AREL1: variants seen among roughly 807,000 people sequenced by gnomAD.
AREL1 encodes apoptosis-resistant E3 ubiquitin protein ligase 1.
Under a neutral mutation model 99.0 loss-of-function variants are expected in AREL1, and 62 were observed. That is an observed-to-expected ratio of 0.63 (90% confidence interval 0.51 to 0.77). The LOEUF is 0.77. AREL1 is among the 30% of genes least tolerant of loss of function. The probability of loss-of-function intolerance (pLI) is 0.00; values close to 1 mark genes in which losing one functional copy is unlikely to be tolerated. For missense variants in AREL1, 879 were observed against 1,027.6 expected (o/e 0.86, Z 1.98); for synonymous variants, 380 against 376.5 (o/e 1.01, Z -0.11).
In AREL1 at chr14:74,692,131, A is replaced by C. The variant is rs2089895121; in HGVS notation, c.-136T>G. ...TTTGGCCCCTTTCACCTTGTCTTCC[A>C]ACTTCCACATGAAAGAAAAACGCCA... On this transcript the variant is annotated 5_prime_UTR_variant, in exon 2 of 20. Coordinates refer to ENST00000356357, the MANE Select transcript of AREL1 (RefSeq NM_001039479.2). 6.8e-6 allele frequency: 3 copies of C among 444,110 alleles called. No individual in the cohort carries two copies. Among genetic ancestry groups the C allele is most frequent in the Non-Finnish European group, 1.3e-5 (3 of 224,122 alleles). The allele number at this position is 444,110 out of a possible 1,614,324, so 27.5% of individuals were successfully genotyped here.
chr14:74,710,012 C>T (rs1351416685), intron 1 of AREL1, among the ~76,000 whole-genome samples: 1 of 152,140 alleles, frequency 6.6e-6, no homozygotes, highest in Admixed American at 6.5e-5. Context: ...GCAAAACAAC[C>T]CTCTTGACTG....
chr14:74,706,544 C>G (rs865991747), intron 1 of AREL1, among the ~76,000 whole-genome samples: 8 of 152,286 alleles, frequency 5.3e-5, no homozygotes, highest in Middle Eastern at 3.4e-3. Context: ...CCTAAGATAG[C>G]TGGATTTGAA....
intron 1 of AREL1, among the ~76,000 whole-genome samples, chr14:74,694,990 GAA>G (rs548884827): frequency 4.1e-3 from 341 of 82,826 alleles, no homozygotes; most frequent in African/African-American, 0.014. Flanking sequence ...CTCTGTCTCG[GAA>G]AAAAAAAAAA....
chr14:74,675,952 G>C lies in AREL1; in HGVS notation c.833-6C>G. On this transcript the variant is annotated splice_polypyrimidine_tract_variant and splice_region_variant and intron_variant, in intron 7 of 19. Coordinates refer to ENST00000356357, the MANE Select transcript of AREL1 (RefSeq NM_001039479.2). ...GACGATATTCTTCTCATCCTCTGAA[G>C]TATAATAAGGAATAAGGTTTAAAGT... is the stretch of plus-strand genomic sequence containing the variant. 6.4e-7 allele frequency: 1 copy of C among 1,574,238 alleles called. No individual in the cohort carries two copies. The highest frequency in any genetic ancestry group is 8.6e-7 in the Non-Finnish European group (1 of 1,160,334).
intron 11 of AREL1, chr14:74,672,006 C>A: frequency 2.2e-6 from 1 of 455,554 alleles, no homozygotes; most frequent in South Asian, 1.6e-5. Context: ...GGACAGGAAC[C>A]AAGCCTTCTC....
At chr14:74,706,245 G>A (rs958167401) in intron 1 of AREL1, among the ~76,000 whole-genome samples, 1 of 152,056 alleles carries the variant, frequency 6.6e-6, no homozygotes, top group African/African-American at 2.4e-5. Flanking sequence ...CTTTGAACCT[G>A]ACAAGCCGTC....
At chr14:74,703,899 C>T (rs2090130607) in intron 1 of AREL1, among the ~76,000 whole-genome samples, 1 of 152,156 alleles carries the variant, frequency 6.6e-6, no homozygotes. Context: ...ACTTAACTTA[C>T]AAGAAACTGC....
At chr14:74,673,943 C>T in intron 9 of AREL1, 91 bp downstream of exon 9, 1 of 1,123,888 alleles carries the variant, frequency 8.9e-7, no homozygotes, top group Non-Finnish European at 1.3e-6. Flanking sequence ...CTTGCAGAAA[C>T]ACTAAAAGTG....
intron 1 of AREL1, among the ~76,000 whole-genome samples, chr14:74,706,993 C>T (rs2090190072): frequency 6.6e-6 from 1 of 152,200 alleles, no homozygotes; most frequent in Non-Finnish European, 1.5e-5. Flanking sequence ...CTCTCTTCAA[C>T]ACTCGTCAGA....
Position 74,675,943 on chromosome 14 carries a change from T to A in AREL1, c.836A>T (p.Asp279Val), listed in dbSNP as rs1216055845. ...ATTGCGTTCGACGATATTCTTCTCA[T>A]CCTCTGAAGTATAATAAGGAATAAG... ...GEFDIIVLSE[D>V]EKNIVERNVS... is the part of the protein sequence containing the mutation. The change falls in exon 8 of 20, where the codon GAT (aspartate) becomes GTT (valine). Residue 279 changes from aspartate (D) to valine (V), a missense_variant. Coordinates refer to ENST00000356357, the MANE Select transcript of AREL1 (RefSeq NM_001039479.2). The A allele has an allele frequency of 1.9e-6, 3 of 1,585,722 alleles. No homozygotes were observed. The highest frequency in any genetic ancestry group is 2.7e-5 in the African/African-American group (2 of 74,110).
intron 1 of AREL1, among the ~76,000 whole-genome samples, chr14:74,703,436 A>G (rs1243151431): frequency 6.6e-6 from 1 of 152,224 alleles, no homozygotes; most frequent in African/African-American, 2.4e-5. Context: ...TATGGGAGCT[A>G]AAATTCAAGG....
Position 74,683,311 on chromosome 14 carries a change from T to A in AREL1, c.466A>T (p.Lys156Ter). The A allele has an allele frequency of 6.2e-7, 1 of 1,610,172 alleles. No homozygotes were observed. The highest frequency in any genetic ancestry group is 8.5e-7 in the Non-Finnish European group (1 of 1,177,074). ...GLNVAYSPYYKIFQPGMVVPS... is the reference protein window; with the variant it reads ...GLNVAYSPYY ...AAGAACCTACCAGGTTGAAAAATTT[T>A]GTAGTAGGGACTATATGCCACATTT... is the stretch of plus-strand genomic sequence containing the variant. Residue 156 changes from lysine to a stop codon, truncating the protein, a stop_gained, in exon 5 of 20, where the codon AAA becomes TAA. Transcript: ENST00000356357. LOFTEE classifies it high-confidence loss of function.
intron 11 of AREL1, chr14:74,671,968 C>T (rs751790388): frequency 6.6e-6 from 3 of 454,344 alleles, no homozygotes; most frequent in South Asian, 3.1e-5. Flanking sequence ...GTCACACCTA[C>T]CAGAGCCAAA....
At chr14:74,668,308 T>C (rs898699703) in intron 15 of AREL1, among the ~76,000 whole-genome samples, 3 of 152,228 alleles carry the variant, frequency 2.0e-5, no homozygotes, top group African/African-American at 7.2e-5. Context: ...TCCAGGAATA[T>C]TTGTGTAGAG....
chr14:74,702,446 T>C (rs1203564484), intron 1 of AREL1, among the ~76,000 whole-genome samples: 2 of 152,192 alleles, frequency 1.3e-5, no homozygotes, highest in Non-Finnish European at 2.9e-5. Context: ...CCTTGGCTCC[T>C]TTCAGCCACA....
chr14:74,676,566 G>C lies in AREL1; in HGVS notation c.651+17C>G, dbSNP rs1566685340. 6.2e-7 allele frequency: 1 copy of C among 1,609,454 alleles called. No homozygotes were observed. The highest frequency in any genetic ancestry group is 2.2e-5 in the East Asian group (1 of 44,820). ...CAGCTCTCTCTAGCACACAGATAAA[G>C]AAGGGAGACTGCTTACCTCATGAAT... On this transcript the variant is annotated intron_variant, in intron 6 of 19. Coordinates refer to ENST00000356357, the MANE Select transcript of AREL1 (RefSeq NM_001039479.2).
chr14:74,709,781 C>CA (rs1330164328), intron 1 of AREL1, among the ~76,000 whole-genome samples: 1 of 152,032 alleles, frequency 6.6e-6, no homozygotes, highest in Non-Finnish European at 1.5e-5. Context: ...TGAAAATGGA[C>CA]AAAAAAGTGA....
rs1411729887 is a variant in AREL1, at chr14:74,677,004, T to A, written c.482-252A>T. ...TTAGTGGAGACGGGGTTTCACTGTG[T>A]TAGCCAGGATAGTCTCGATCTCCTG... On this transcript the variant is annotated intron_variant, in intron 5 of 19. Coordinates refer to ENST00000356357, the MANE Select transcript of AREL1 (RefSeq NM_001039479.2). Among the ~76,000 whole-genome samples the A allele has an allele frequency of 3.3e-5, 5 of 151,894 alleles. No homozygotes were observed. In the East Asian group the frequency reaches 7.8e-4, roughly 24 times the overall value.
At chr14:74,693,338 C>T (rs1330381739) in intron 1 of AREL1, among the ~76,000 whole-genome samples, 1 of 152,136 alleles carries the variant, frequency 6.6e-6, no homozygotes, top group Non-Finnish European at 1.5e-5. Context: ...TACTACGAGT[C>T]AGGGGAAAAT....
Sources: allele counts gnomAD v4.1 joint callset (sites outside exome capture counted in the v4.1 genomes callset), GRCh38; gene constraint gnomAD v4.1.1; transcripts MANE v1.5; gene names NCBI Gene and HGNC (gene_info 2026-07-23, HGNC 2026-07-21).